ASB4: variants seen among roughly 807,000 people sequenced by gnomAD.
ASB4 encodes ankyrin repeat and SOCS box protein 4.
A neutral mutation model predicts 38.6 loss-of-function variants in ASB4; 35 were observed. That is an observed-to-expected ratio of 0.91 (90% CI 0.69 to 1.20). ASB4 has a LOEUF of 1.20. Ranked by LOEUF, ASB4 falls within the 50% of genes most tolerant of loss-of-function variation. The pLI is 0.00. For synonymous variants in ASB4, 195 were observed against 201.3 expected, an observed-to-expected ratio of 0.97 and a Z score of 0.26; for missense variants, 557 against 527.2, an observed-to-expected ratio of 1.06 and a Z score of -0.55.
rs915543601 is a variant in ASB4 at position 95,539,053 on chromosome 7, T to A, written c.*1294T>A. 4.1e-5 allele frequency: 6 copies of A among 146,214 alleles called. No individual in the cohort carries two copies. Among genetic ancestry groups the A allele is most frequent in the African/African-American group, 1.3e-4 (5 of 38,688 alleles). 9.1% of individuals were successfully genotyped at this position (146,214 alleles called of 1,614,324 possible). ...GCTCTGGGCCTTGTGGTTTATGAGG[T>A]CAATTTTGCTTCACTTTTTTTTTTG... On this transcript the variant is annotated 3_prime_UTR_variant, in exon 5 of 5. Coordinates refer to ENST00000325885, the MANE Select transcript of ASB4 (RefSeq NM_016116.3).
upstream of ASB4, among the ~76,000 whole-genome samples, chr7:95,475,459 C>T (rs2116560874): frequency 6.6e-6 from 1 of 152,244 alleles, no homozygotes; most frequent in East Asian, 1.9e-4. Context: ...TCTTGGCTCA[C>T]TGCAACCTCC....
intron 2 of ASB4, among the ~76,000 whole-genome samples, chr7:95,509,934 G>C (rs1296283418): frequency 6.6e-6 from 1 of 152,098 alleles, no homozygotes; most frequent in Non-Finnish European, 1.5e-5. Context: ...TTTTGGGTCC[G>C]TGATGCTCCC....
At chr7:95,502,389 TG>T (rs1393072704) in intron 2 of ASB4, among the ~76,000 whole-genome samples, 5 of 83,396 alleles carry the variant, frequency 6.0e-5, no homozygotes, top group African/African-American at 1.7e-4. Context: ...GGTACCAGCC[TG>T]CGGGGGGGGG....
At chr7:95,476,360 T>C (rs1164753182), upstream of ASB4, among the ~76,000 whole-genome samples, 1 of 152,210 alleles carries the variant, frequency 6.6e-6, no homozygotes. Context: ...TGTCCCAAAA[T>C]ATTCTCTTGC....
chr7:95,503,987 C>A (rs2116604858), intron 2 of ASB4, among the ~76,000 whole-genome samples: 1 of 152,232 alleles, frequency 6.6e-6, no homozygotes, highest in African/African-American at 2.4e-5. Context: ...ATCTCCTGGC[C>A]TTTGTTGCCT....
intron 2 of ASB4, among the ~76,000 whole-genome samples, chr7:95,515,225 CTTT>C (rs1790549840): frequency 1.9e-5 from 2 of 107,304 alleles, no homozygotes; most frequent in African/African-American, 4.2e-5. Flanking sequence ...TTCTTTCTTT[CTTT>C]CTTTTTCTTT....
rs1359324742 is a variant in ASB4, at chr7:95,496,848, A to T, written c.487+791A>T. Among the ~76,000 whole-genome samples, 3 of 152,212 alleles carry T rather than the reference A, an allele frequency of 2.0e-5. No individual in the cohort carries two copies. In the East Asian group the frequency reaches 5.8e-4, roughly 29 times the overall value. On this transcript the variant is annotated intron_variant, in intron 2 of 4. Coordinates refer to ENST00000325885, the MANE Select transcript of ASB4 (RefSeq NM_016116.3). ...GACTGACAGAGTGAGACCCTGTCTC[A>T]AAACAAAAAACAAAGAACAAAAACA...
In ASB4 at chr7:95,539,864, T is replaced by G. The variant is rs1790946369; in HGVS notation, c.*2105T>G. 1 of 152,168 alleles carries G rather than the reference T, an allele frequency of 6.6e-6. No homozygotes were observed. Among genetic ancestry groups the G allele is most frequent in the Non-Finnish European group, 1.5e-5 (1 of 68,034 alleles). 9.4% of individuals were successfully genotyped at this position (152,168 alleles called of 1,614,324 possible). ...TGTATCCATGTAACCAAAAACCACC[T>G]GTACCCCCAAAACTATTGAAATCTT... is the stretch of plus-strand genomic sequence containing the variant. On this transcript the variant is annotated 3_prime_UTR_variant, in exon 5 of 5. Coordinates refer to ENST00000325885, the MANE Select transcript of ASB4 (RefSeq NM_016116.3).
chr7:95,492,036 C>T (rs985944712), intron 1 of ASB4, among the ~76,000 whole-genome samples: 3 of 152,226 alleles, frequency 2.0e-5, no homozygotes, highest in African/African-American at 4.8e-5. Context: ...CATTTCTCCA[C>T]TTCAGCTCCC....
rs139597620 is a variant in ASB4, at chr7:95,537,641, C to T, written c.1163C>T (p.Ser388Leu). 3.7e-5 allele frequency: 60 copies of T among 1,613,634 alleles called. No individual in the cohort carries two copies. The highest frequency in any genetic ancestry group is 1.7e-4 in the Admixed American group (10 of 59,984). The change falls in exon 5 of 5, where the codon TCG (serine) becomes TTG (leucine). Residue 388 changes from serine (S) to leucine (L), a missense_variant. By Grantham distance (145) the Ser-to-Leu change is moderately radical. Transcript: ENST00000325885. ...CNSPRTLMHLSRCAIRRTLHN... is the reference protein window; with the variant it reads ...CNSPRTLMHLLRCAIRRTLHN... ...TCTCCAAGGACTCTCATGCACTTATCGAGATGTGCCATTAGAAGAACATTA... is the reference window on the plus strand; with the variant it reads ...TCTCCAAGGACTCTCATGCACTTATTGAGATGTGCCATTAGAAGAACATTA...
upstream of ASB4, among the ~76,000 whole-genome samples, chr7:95,476,393 T>C (rs138005988): frequency 6.6e-6 from 1 of 152,290 alleles, no homozygotes; most frequent in East Asian, 1.9e-4. Context: ...TTCTTTTTTA[T>C]ATTTAAAAAA....
chr7:95,496,197 A>G (rs1031485434), intron 2 of ASB4, 140 bp downstream of exon 2: 3 of 686,136 alleles, frequency 4.4e-6, no homozygotes, highest in Admixed American at 5.9e-5. Flanking sequence ...TAAAAAATAC[A>G]TAGTTCTGTT....
intron 2 of ASB4, among the ~76,000 whole-genome samples, chr7:95,511,474 G>C (rs1790480011): frequency 6.6e-6 from 1 of 152,090 alleles, no homozygotes; most frequent in Non-Finnish European, 1.5e-5. Flanking sequence ...AATTAACCTG[G>C]GTGGGGGCAG....
chr7:95,520,025 A>G (rs535495345), intron 2 of ASB4, among the ~76,000 whole-genome samples: 3 of 152,360 alleles, frequency 2.0e-5, no homozygotes, highest in East Asian at 3.9e-4. Flanking sequence ...TGGAGATGAA[A>G]TGGGTAGGTT....
intron 2 of ASB4, among the ~76,000 whole-genome samples, chr7:95,519,676 G>A (rs1418592012): frequency 1.3e-5 from 2 of 152,108 alleles, no homozygotes; most frequent in Non-Finnish European, 2.9e-5. Flanking sequence ...AAATCCTTAC[G>A]AATAAACCAT....
chr7:95,487,118 A>C (rs1360544337), intron 1 of ASB4, among the ~76,000 whole-genome samples: 1 of 152,222 alleles, frequency 6.6e-6, no homozygotes, highest in Non-Finnish European at 1.5e-5. Context: ...ACATTTCCAG[A>C]TACAAATGCT....
At chr7:95,523,964 T>C (rs1272281941) in intron 2 of ASB4, among the ~76,000 whole-genome samples, 3 of 152,160 alleles carry the variant, frequency 2.0e-5, no homozygotes, top group Admixed American at 1.3e-4. Flanking sequence ...ACCAAGAAAT[T>C]GGCTAAAATT....
In ASB4 at chr7:95,537,625, A is replaced by T. The variant is rs1790913531; in HGVS notation, c.1147A>T (p.Thr383Ser). ...LFTVCCNSPR[T>S]LMHLSRCAIR... ...TACTGTGTGCTGTAACTCTCCAAGG[A>T]CTCTCATGCACTTATCGAGATGTGC... The change falls in exon 5 of 5, where the codon ACT (threonine) becomes TCT (serine). Residue 383 changes from threonine to serine, a missense_variant. Transcript: ENST00000325885. The T allele has an allele frequency of 6.2e-7, 1 of 1,611,914 alleles. No individual in the cohort carries two copies. The highest frequency in any genetic ancestry group is 8.5e-7 in the Non-Finnish European group (1 of 1,178,800).
chr7:95,525,844 T>C (rs1271620283), intron 2 of ASB4, among the ~76,000 whole-genome samples: 2 of 152,208 alleles, frequency 1.3e-5, no homozygotes, highest in African/African-American at 4.8e-5. Context: ...AATTCTGCCT[T>C]CTACAAGTTA....
Sources: gnomAD v4.1 joint callset for allele counts (sites outside exome capture counted in the v4.1 genomes callset) on GRCh38, gnomAD v4.1.1 for gene constraint, MANE v1.5 for transcripts, NCBI Gene and HGNC (gene_info 2026-07-23, HGNC 2026-07-21) for gene names.